The following ALKBH1 variants were observed in gnomAD, a reference collection of about 807,000 sequenced individuals.
The protein encoded by ALKBH1 is alkB homolog 1, histone H2A dioxygenase, also known as nucleic acid dioxygenase ALKBH1.
ALKBH1 carries 31 observed loss-of-function variants against 36.6 expected under a neutral mutation model. The observed-to-expected ratio is 0.85, with a 90% CI of 0.64 to 1.14. The LOEUF (loss-of-function observed/expected upper bound fraction) is 1.14. Among genes scored for constraint, ALKBH1 ranks in the 50% most tolerant of loss-of-function variants. The probability of loss-of-function intolerance (pLI) is 0.00; values close to 1 mark genes in which losing one functional copy is unlikely to be tolerated. For synonymous variants in ALKBH1, 183 were observed against 186.6 expected (o/e 0.98, Z 0.16); for missense variants, 490 against 497.3 (o/e 0.99, Z 0.14).
intron 1 of ALKBH1, 142 bp downstream of exon 1, chr14:77,707,680 G>T: frequency 1.1e-6 from 1 of 920,138 alleles, no homozygotes; most frequent in African/African-American, 1.7e-5. Context: ...TTAGTGGGGA[G>T]TTCGACTCTG....
chr14:77,702,565 C>T (rs2080365222), intron 2 of ALKBH1, among the ~76,000 whole-genome samples: 1 of 152,098 alleles, frequency 6.6e-6, no homozygotes, highest in African/African-American at 2.4e-5. Flanking sequence ...TATTTGAAAT[C>T]ACAAGTGCAA....
At chr14:77,701,163 CCT>C (rs1039338798) in intron 2 of ALKBH1, among the ~76,000 whole-genome samples, 1 of 152,062 alleles carries the variant, frequency 6.6e-6, no homozygotes, top group African/African-American at 2.4e-5. Flanking sequence ...AAAAAATCTG[CCT>C]CTCTATAATT....
Position 77,673,738 on chromosome 14 carries a change from C to A in ALKBH1, c.*74G>T. On this transcript the variant is annotated 3_prime_UTR_variant, in exon 6 of 6. Transcript: ENST00000216489. ...TTTTGGCTTGTCTGGGTGCTGAAGT[C>A]CACGGCAATACACAATAACATGATC... The A allele has an allele frequency of 6.1e-6, 9 of 1,468,080 alleles. No individual in the cohort carries two copies. The highest frequency in any genetic ancestry group is 8.3e-6 in the Non-Finnish European group (9 of 1,080,636). The allele number at this position is 1,468,080 out of a possible 1,614,324, so 90.9% of individuals were successfully genotyped here.
At chr14:77,683,562 G>A in intron 3 of ALKBH1, 2 of 535,096 alleles carry the variant, frequency 3.7e-6, no homozygotes, top group South Asian at 1.9e-5. Context: ...TTCCCTTAAT[G>A]TCGACAACAT....
chr14:77,688,240 TA>T (rs1400670176), intron 3 of ALKBH1, among the ~76,000 whole-genome samples: 2 of 108,998 alleles, frequency 1.8e-5, no homozygotes, highest in South Asian at 3.5e-4. Flanking sequence ...TGGATTAAAC[TA>T]AATTTTTTTT....
intron 2 of ALKBH1, 27 bp downstream of exon 2, chr14:77,704,342 G>A: frequency 6.7e-7 from 1 of 1,503,150 alleles, no homozygotes; most frequent in African/African-American, 1.4e-5. Flanking sequence ...GAGTGATATT[G>A]CCTTCTCTGA....
chr14:77,705,431 A>G (rs1022709006), intron 1 of ALKBH1, among the ~76,000 whole-genome samples: 26 of 135,822 alleles, frequency 1.9e-4, no homozygotes, highest in African/African-American at 5.1e-4. Context: ...AAAAAAAAAA[A>G]AGAGAATGAA....
At chr14:77,699,979 C>T (rs1442718356) in intron 2 of ALKBH1, among the ~76,000 whole-genome samples, 11 of 151,910 alleles carry the variant, frequency 7.2e-5, no homozygotes, top group African/African-American at 4.8e-5. Flanking sequence ...GGCATGAACC[C>T]GGGAGGTGGA....
intron 2 of ALKBH1, among the ~76,000 whole-genome samples, chr14:77,698,063 G>C (rs965060339): frequency 6.6e-6 from 1 of 152,142 alleles, no homozygotes; most frequent in African/African-American, 2.4e-5. Flanking sequence ...TGTCTGGAGA[G>C]GGGGCAATAA....
chr14:77,694,746 C>G lies in ALKBH1; in HGVS notation c.447G>C (p.Glu149Asp), dbSNP rs1437652796. The G allele has an allele frequency of 6.3e-7, 1 of 1,587,360 alleles. No individual in the cohort carries two copies. Among genetic ancestry groups the G allele is most frequent in the Non-Finnish European group, 8.6e-7 (1 of 1,169,554 alleles). Reference protein sequence around the residue: ...ETQDLWEQSKEFLRYKEATKR... With the variant: ...ETQDLWEQSKDFLRYKEATKR... The stretch of plus-strand genomic sequence containing the variant: ...TGATTGACAAGACTTACCTCAGGAA[C>G]TCTTTGCTCTGTTCCCACAGATCTT... The change falls in exon 3 of 6, where the codon GAG becomes GAC. Residue 149 changes from glutamate (E) to aspartate (D), a missense_variant. By Grantham distance (45) the Glu-to-Asp change is conservative. Coordinates refer to ENST00000216489, the MANE Select transcript of ALKBH1 (RefSeq NM_006020.3).
intron 3 of ALKBH1, among the ~76,000 whole-genome samples, chr14:77,684,736 C>T (rs10145741): frequency 0.011 from 1,646 of 152,130 alleles, 34 homozygotes; most frequent in African/African-American, 0.037. Context: ...TTTGTAGAGA[C>T]GGGGTCTCTC....
chr14:77,703,221 G>T (rs918596647), intron 2 of ALKBH1, among the ~76,000 whole-genome samples: 2 of 152,002 alleles, frequency 1.3e-5, no homozygotes, highest in Non-Finnish European at 1.5e-5. Context: ...GGGCTCAAAT[G>T]ATCCTCCCAC....
rs753179007 is a variant in ALKBH1, at chr14:77,675,767, T to C, written c.629A>G (p.Glu210Gly). 3 of 1,614,104 alleles carry C rather than the reference T, an allele frequency of 1.9e-6. No individual in the cohort carries two copies. Among genetic ancestry groups the C allele is most frequent in the Non-Finnish European group, 2.5e-6 (3 of 1,180,024 alleles). ...GATCCCTGCTTCAGCTCGGAAATCC[T>C]CAAATCCACAGGCAGCGGCTACTTG... ...SEQVAAACGF[E>G]DFRAEAGILN... is the part of the protein sequence containing the mutation. Residue 210 changes from glutamate to glycine, a missense_variant, in exon 5 of 6, where the codon GAG (glutamate) becomes GGG (glycine). By Grantham distance (98) the Glu-to-Gly change is moderately conservative. Coordinates refer to ENST00000216489, the MANE Select transcript of ALKBH1 (RefSeq NM_006020.3).
intron 2 of ALKBH1, among the ~76,000 whole-genome samples, chr14:77,701,419 A>C (rs757952593): frequency 9.9e-5 from 15 of 152,206 alleles, no homozygotes; most frequent in Non-Finnish European, 2.1e-4. Flanking sequence ...GAACCCAGGT[A>C]ACCTGGCACC....
At chr14:77,683,280 G>A in intron 3 of ALKBH1, 1 of 774,440 alleles carries the variant, frequency 1.3e-6, no homozygotes, top group Admixed American at 1.8e-5. Flanking sequence ...GTGCTTCTCT[G>A]GGTGGGGCAG....
chr14:77,691,196 C>T (rs1165504653), intron 3 of ALKBH1, among the ~76,000 whole-genome samples: 1 of 152,196 alleles, frequency 6.6e-6, no homozygotes, highest in African/African-American at 2.4e-5. Context: ...ATTTTTTGAA[C>T]AGTCCTTAAG....
At chr14:77,695,202 C>G (rs112158598) in intron 2 of ALKBH1, among the ~76,000 whole-genome samples, 34 of 152,318 alleles carry the variant, frequency 2.2e-4, no homozygotes, top group Middle Eastern at 3.4e-3. Context: ...GGTCTTGACA[C>G]TTAGAGTCAT....
chr14:77,680,877 C>T (rs1432009599), intron 3 of ALKBH1, among the ~76,000 whole-genome samples: 1 of 152,010 alleles, frequency 6.6e-6, no homozygotes, highest in African/African-American at 2.4e-5. Context: ...CGGAGTTTCT[C>T]CATATTGAGG....
Position 77,675,806 on chromosome 14 carries a change from C to T in ALKBH1, c.590G>A (p.Gly197Asp). ...DHYTPFPSDLGFLSEQVAAAC... is the reference protein window; with the variant it reads ...DHYTPFPSDLDFLSEQVAAAC... ...AGCGGCTACTTGCTCTGAGAGGAAA[C>T]CCAGGTCAGAAGGGAAAGGTGTGTA... Residue 197 changes from glycine (G) to aspartate (D), a missense_variant, in exon 5 of 6, where the codon GGT becomes GAT. Transcript: ENST00000216489. 6.2e-7 allele frequency: 1 copy of T among 1,613,932 alleles called. No homozygotes were observed. Among genetic ancestry groups the T allele is most frequent in the South Asian group, 1.1e-5 (1 of 91,070 alleles).
Sources: allele counts gnomAD v4.1 joint callset (sites outside exome capture counted in the v4.1 genomes callset), GRCh38; gene constraint gnomAD v4.1.1; transcripts MANE v1.5; gene names NCBI Gene and HGNC (gene_info 2026-07-23, HGNC 2026-07-21).